SFXN5: variants seen among roughly 807,000 people sequenced by gnomAD.
The protein encoded by SFXN5 is sideroflexin-5.
A neutral mutation model predicts 50.2 loss-of-function variants in SFXN5; 43 were observed. That is an observed-to-expected ratio of 0.86 (90% CI 0.67 to 1.11). The LOEUF (loss-of-function observed/expected upper bound fraction) is 1.11. Ranked by LOEUF, SFXN5 falls within the 50% of genes least tolerant of loss-of-function variation. The pLI, the probability that SFXN5 is intolerant of heterozygous loss-of-function variation, is 0.00. For synonymous variants in SFXN5, 203 were observed against 185.8 expected (o/e 1.09, Z -0.75); for missense variants, 463 against 454.1 (o/e 1.02, Z -0.18).
In SFXN5 at chr2:73,042,081, T is replaced by C. The variant is rs148574825; in HGVS notation, c.172-1150A>G. ...AGAGATTAACCTACTAAAGTACATA[T>C]GGCCAGAGTAACTGATGGGGAGAAA... On this transcript the variant is annotated intron_variant, in intron 2 of 13. Transcript: ENST00000272433. Among the ~76,000 whole-genome samples the C allele has an allele frequency of 4.4e-3, 669 of 152,194 alleles. 8 individuals are homozygous for C. The highest frequency in any genetic ancestry group is 0.014 in the African/African-American group (601 of 41,514).
At chr2:73,006,464 A>C (rs1277074050) in intron 6 of SFXN5, among the ~76,000 whole-genome samples, 1 of 152,142 alleles carries the variant, frequency 6.6e-6, no homozygotes, top group Non-Finnish European at 1.5e-5. Flanking sequence ...TCTAGTAAAA[A>C]TGCAAAAACT....
chr2:72,976,570 G>A (rs941674020), intron 10 of SFXN5, among the ~76,000 whole-genome samples: 2 of 152,180 alleles, frequency 1.3e-5, no homozygotes, highest in African/African-American at 4.8e-5. Flanking sequence ...CTAAAGGAGT[G>A]GAGATTAGAA....
chr2:73,066,738 G>A (rs1371961230), intron 1 of SFXN5, among the ~76,000 whole-genome samples: 2 of 151,228 alleles, frequency 1.3e-5, no homozygotes, highest in Non-Finnish European at 3.0e-5. Flanking sequence ...GGTGGCTCAT[G>A]CCTGTAAATC....
chr2:73,042,593 ACAGAGCAAGACTCC>A, intron 2 of SFXN5: 1 of 152,190 alleles, frequency 6.6e-6, no homozygotes, highest in Non-Finnish European at 1.5e-5. Context: ...AGCCTGCAAG[ACAGAGCAAGACTCC>A]ATCTTAAAAA....
At chr2:72,963,128 T>C (rs1337619918) in intron 12 of SFXN5, among the ~76,000 whole-genome samples, 1 of 152,128 alleles carries the variant, frequency 6.6e-6, no homozygotes, top group Non-Finnish European at 1.5e-5. Context: ...GAGGCCCTGC[T>C]TGGAGGAGGC....
intron 2 of SFXN5, among the ~76,000 whole-genome samples, chr2:73,047,298 A>ATATATATACAC (rs1394689911): frequency 5.0e-5 from 5 of 99,642 alleles, no homozygotes; most frequent in Non-Finnish European, 7.5e-5. Flanking sequence ...ATATATATAT[A>ATATATATACAC]AAATATATAT....
At chr2:72,958,436 T>G (rs1340080196) in intron 13 of SFXN5, among the ~76,000 whole-genome samples, 1 of 152,204 alleles carries the variant, frequency 6.6e-6, no homozygotes, top group Admixed American at 6.5e-5. Flanking sequence ...GCAAAGTCAG[T>G]AGCAAGGTAA....
chr2:73,059,744 T>C (rs1306437806), intron 1 of SFXN5: 2 of 979,870 alleles, frequency 2.0e-6, no homozygotes, highest in Non-Finnish European at 2.4e-6. Context: ...TAACCTCTTA[T>C]AATCCACACA....
intron 5 of SFXN5, 113 bp downstream of exon 5, chr2:73,022,409 G>T: frequency 1.2e-6 from 1 of 805,922 alleles, no homozygotes; most frequent in South Asian, 1.5e-5. Flanking sequence ...ATATGGCCAT[G>T]ATTGTAACAG....
chr2:73,051,995 C>T (rs1173610017), intron 2 of SFXN5, among the ~76,000 whole-genome samples: 1 of 152,172 alleles, frequency 6.6e-6, no homozygotes, highest in Non-Finnish European at 1.5e-5. Flanking sequence ...CACATTCAAA[C>T]CATAGCTTAT....
At chr2:73,058,702 G>A in intron 1 of SFXN5, 106 bp from the exon 2 acceptor site, 1 of 1,004,866 alleles carries the variant, frequency 1.0e-6, no homozygotes, top group South Asian at 1.4e-5. Context: ...CCGGTCCCCA[G>A]GACTCCTCGT....
chr2:72,996,310 C>T (rs1012312485), intron 9 of SFXN5, among the ~76,000 whole-genome samples: 2 of 152,132 alleles, frequency 1.3e-5, no homozygotes, highest in Admixed American at 1.3e-4. Flanking sequence ...AGCCCCTGCC[C>T]AGCAAGAGCT....
chr2:73,040,913 C>T lies in SFXN5; in HGVS notation c.190G>A (p.Val64Met). 6.2e-7 allele frequency: 1 copy of T among 1,613,028 alleles called. No individual in the cohort carries two copies. Among genetic ancestry groups the T allele is most frequent in the Non-Finnish European group, 8.5e-7 (1 of 1,179,788 alleles). ...TGCTTATAGTCCTCCAGCAGCTGCACAGCCTCTCTGAGACGTCTCTGCAGA... is the reference window on the plus strand; with the variant it reads ...TGCTTATAGTCCTCCAGCAGCTGCATAGCCTCTCTGAGACGTCTCTGCAGA... ...FVTERRLREA[V>M]QLLEDYKHGT... Residue 64 changes from valine (V) to methionine (M), a missense_variant, in exon 3 of 14, where the codon GTG (valine) becomes ATG (methionine). Val to Met is a conservative substitution (Grantham distance 21, BLOSUM62 1). Coordinates refer to ENST00000272433, the MANE Select transcript of SFXN5 (RefSeq NM_144579.3).
chr2:72,957,044 A>T (rs932977583), intron 13 of SFXN5: 4 of 456,466 alleles, frequency 8.8e-6, no homozygotes, highest in African/African-American at 8.0e-5. Flanking sequence ...AAGTTACTCC[A>T]TCTGGGTTCT....
At chr2:73,047,852 C>T (rs1680714027) in intron 2 of SFXN5, among the ~76,000 whole-genome samples, 1 of 152,134 alleles carries the variant, frequency 6.6e-6, no homozygotes, top group African/African-American at 2.4e-5. Flanking sequence ...TATTCCTCTT[C>T]TAGAAATTTA....
Position 72,944,911 on chromosome 2 carries a change from A to G in SFXN5, c.*111T>C. On this transcript the variant is annotated 3_prime_UTR_variant, in exon 14 of 14. Transcript: ENST00000272433. ...GGTTGAGCACTCTCCCAGGGGGCCC[A>G]GGACTGCTGGGGTTGGCGTGCTGCT... 1.0e-6 allele frequency: 1 copy of G among 954,296 alleles called. No homozygotes were observed. Among genetic ancestry groups the G allele is most frequent in the South Asian group, 1.6e-5 (1 of 64,088 alleles). The allele number at this position is 954,296 out of a possible 1,614,324, so 59.1% of individuals were successfully genotyped here.
chr2:72,962,979 TAGCC>T (rs1673920678), intron 12 of SFXN5, among the ~76,000 whole-genome samples: 1 of 152,166 alleles, frequency 6.6e-6, no homozygotes, highest in Admixed American at 6.5e-5. Context: ...TACTCCATGC[TAGCC>T]CATGCCCGCC....
At chr2:72,951,614 C>T (rs1312749860) in intron 13 of SFXN5, among the ~76,000 whole-genome samples, 1 of 152,022 alleles carries the variant, frequency 6.6e-6, no homozygotes, top group Non-Finnish European at 1.5e-5. Context: ...AAACTGGATC[C>T]CCTGCCTGTG....
At chr2:73,004,624 A>G (rs1354777203) in intron 6 of SFXN5, among the ~76,000 whole-genome samples, 1 of 152,012 alleles carries the variant, frequency 6.6e-6, no homozygotes, top group African/African-American at 2.4e-5. Context: ...ACTGCAGAGG[A>G]GGTCTGGGAG....
Sources: gnomAD v4.1 joint callset for allele counts (sites outside exome capture counted in the v4.1 genomes callset) on GRCh38, gnomAD v4.1.1 for gene constraint, MANE v1.5 for transcripts, NCBI Gene and HGNC (gene_info 2026-07-23, HGNC 2026-07-21) for gene names.